The following SPECC1L variants were observed in gnomAD, a reference collection of about 807,000 sequenced individuals.
SPECC1L encodes the protein cytospin-A.
Under a neutral mutation model 116.8 loss-of-function variants are expected in SPECC1L, and 40 were observed. The ratio of observed to expected loss-of-function variants is 0.34; its 90% CI spans 0.27 to 0.45. The LOEUF is 0.45. Among genes scored for constraint, SPECC1L ranks in the 20% least tolerant of loss-of-function variants. SPECC1L has a pLI of 1.00. For synonymous variants in SPECC1L, 504 were observed against 500.6 expected (o/e 1.01, Z -0.09); for missense variants, 1,110 against 1,373.6 (o/e 0.81, Z 3.03).
At chr22:24,315,927 C>T (rs1601540361) in intron 4 of SPECC1L, among the ~76,000 whole-genome samples, 1 of 152,320 alleles carries the variant, frequency 6.6e-6, no homozygotes, top group East Asian at 1.9e-4. Flanking sequence ...CTTACAAGAA[C>T]GCCAGTCATG....
At chr22:24,392,164 G>A (rs764881085) in intron 14 of SPECC1L, among the ~76,000 whole-genome samples, 35 of 152,286 alleles carry the variant, frequency 2.3e-4, no homozygotes, top group African/African-American at 5.1e-4. Flanking sequence ...CAGCCTCCAC[G>A]GCAGTGTCCC....
intron 14 of SPECC1L, among the ~76,000 whole-genome samples, chr22:24,395,888 T>G (rs879271495): frequency 1.3e-5 from 2 of 152,086 alleles, no homozygotes; most frequent in Non-Finnish European, 2.9e-5. Context: ...CAGTCTATAG[T>G]TTGAGAACCC....
intron 13 of SPECC1L, among the ~76,000 whole-genome samples, chr22:24,368,690 A>T (rs889502193): frequency 2.0e-5 from 3 of 152,212 alleles, no homozygotes; most frequent in African/African-American, 7.2e-5. Context: ...CTTGTTGCCC[A>T]GGCTGGAGTG....
At chr22:24,351,318 C>G (rs1198422080) in intron 11 of SPECC1L, among the ~76,000 whole-genome samples, 1 of 152,192 alleles carries the variant, frequency 6.6e-6, no homozygotes, top group African/African-American at 2.4e-5. Context: ...TATTATTGGG[C>G]AAAGACTACC....
chr22:24,311,156 GA>G (rs1215387789), intron 3 of SPECC1L, among the ~76,000 whole-genome samples: 1 of 152,186 alleles, frequency 6.6e-6, no homozygotes. Flanking sequence ...CAAAGTTTAT[GA>G]TTTGGTGCCG....
At chr22:24,385,153 T>A (rs1391201583) in intron 14 of SPECC1L, among the ~76,000 whole-genome samples, 3 of 152,012 alleles carry the variant, frequency 2.0e-5, no homozygotes, top group African/African-American at 7.2e-5. Context: ...ATATTTTTAA[T>A]ATATTTGATA....
chr22:24,312,857 A>G (rs759870323), intron 3 of SPECC1L, among the ~76,000 whole-genome samples: 6 of 152,240 alleles, frequency 3.9e-5, no homozygotes, highest in Non-Finnish European at 8.8e-5. Context: ...CTACAGAATT[A>G]TAAGGTAAAA....
intron 4 of SPECC1L, among the ~76,000 whole-genome samples, chr22:24,317,256 G>T (rs1326140627): frequency 1.8e-4 from 17 of 95,472 alleles, no homozygotes; most frequent in Admixed American, 4.2e-4. Flanking sequence ...CTGGCCGGGC[G>T]GGGGGCTGAC....
intron 1 of SPECC1L, among the ~76,000 whole-genome samples, chr22:24,273,798 G>C (rs1015179664): frequency 2.0e-5 from 3 of 152,108 alleles, no homozygotes; most frequent in African/African-American, 4.8e-5. Context: ...CGCTCTTGTT[G>C]CCCAGGCTGG....
At chr22:24,409,921 C>A (rs1397910668) in intron 14 of SPECC1L, among the ~76,000 whole-genome samples, 1 of 152,160 alleles carries the variant, frequency 6.6e-6, no homozygotes, top group Non-Finnish European at 1.5e-5. Context: ...GTCCCAGCTA[C>A]TCAGGAGGCT....
intron 4 of SPECC1L, among the ~76,000 whole-genome samples, chr22:24,318,979 T>C (rs985515053): frequency 1.1e-4 from 16 of 152,238 alleles, no homozygotes; most frequent in African/African-American, 3.1e-4. Flanking sequence ...CAGTTGTTTA[T>C]CCCAGTCTGG....
At chr22:24,373,600 C>T (rs1601302921) in intron 14 of SPECC1L, among the ~76,000 whole-genome samples, 1 of 152,300 alleles carries the variant, frequency 6.6e-6, no homozygotes, top group Non-Finnish European at 1.5e-5. Context: ...GCATCCCTTC[C>T]TTACACTTTA....
chr22:24,316,812 T>C (rs2040579632), intron 4 of SPECC1L, among the ~76,000 whole-genome samples: 1 of 142,604 alleles, frequency 7.0e-6, no homozygotes, highest in African/African-American at 2.6e-5. Flanking sequence ...CCAGACGGGG[T>C]GGTGGCCGGG....
chr22:24,363,929 G>A (rs546382349), intron 12 of SPECC1L, among the ~76,000 whole-genome samples: 15 of 141,582 alleles, frequency 1.1e-4, no homozygotes, highest in Non-Finnish European at 9.3e-5. Flanking sequence ...GGGGGTGGGG[G>A]TGGGGGTGGG....
chr22:24,352,012 T>C (rs1156543671), intron 11 of SPECC1L, among the ~76,000 whole-genome samples: 4 of 151,968 alleles, frequency 2.6e-5, no homozygotes, highest in Admixed American at 2.6e-4. Flanking sequence ...TGCTGCCTCT[T>C]GCTCTACAAT....
chr22:24,276,981 C>A, intron 2 of SPECC1L, among the ~76,000 whole-genome samples, 178 bp downstream of exon 2: 1 of 152,156 alleles, frequency 6.6e-6, no homozygotes, highest in Non-Finnish European at 1.5e-5. Context: ...TGGGGTAGAG[C>A]CAATTTTAAA....
At chr22:24,352,996 A>T (rs1019904175) in intron 11 of SPECC1L, among the ~76,000 whole-genome samples, 1 of 152,202 alleles carries the variant, frequency 6.6e-6, no homozygotes, top group Non-Finnish European at 1.5e-5. Context: ...TTCAGCATGC[A>T]TATCAGTATT....
intron 2 of SPECC1L, among the ~76,000 whole-genome samples, chr22:24,293,739 G>A (rs1370803486): frequency 7.3e-6 from 1 of 136,260 alleles, no homozygotes; most frequent in African/African-American, 2.8e-5. Flanking sequence ...ACAGGGTACT[G>A]AAATCTGGAG....
At chr22:24,303,694 A>G (rs930825267) in intron 3 of SPECC1L, among the ~76,000 whole-genome samples, 3 of 152,096 alleles carry the variant, frequency 2.0e-5, no homozygotes, top group Admixed American at 6.5e-5. Context: ...GGCATGTTAC[A>G]CCTTCTGAGT....
Sources: allele counts gnomAD v4.1 joint callset (sites outside exome capture counted in the v4.1 genomes callset), GRCh38; gene constraint gnomAD v4.1.1; transcripts MANE v1.5; gene names NCBI Gene and HGNC (gene_info 2026-07-23, HGNC 2026-07-21).